LZTFL1: variants seen among roughly 807,000 people sequenced by gnomAD.
LZTFL1 encodes the protein leucine zipper transcription factor-like protein 1.
Under a neutral mutation model 45.9 loss-of-function variants are expected in LZTFL1, and 25 were observed. The observed-to-expected ratio is 0.54, with a 90% CI of 0.40 to 0.76. The LOEUF (loss-of-function observed/expected upper bound fraction) is 0.76, where lower values mean the gene tolerates loss of function less well. Ranked by LOEUF, LZTFL1 falls within the 30% of genes least tolerant of loss-of-function variation. The pLI, the probability that LZTFL1 is intolerant of heterozygous loss-of-function variation, is 0.00. For missense variants in LZTFL1, 277 were observed against 331.1 expected, an observed-to-expected ratio of 0.84 and a Z score of 1.27; for synonymous variants, 93 against 117.4, an observed-to-expected ratio of 0.79 and a Z score of 1.35.
chr3:45,870,464 T>C (rs1701654528), intron 2 of LZTFL1, among the ~76,000 whole-genome samples: 1 of 152,244 alleles, frequency 6.6e-6, no homozygotes, highest in African/African-American at 2.4e-5. Context: ...TGTCTCTGTG[T>C]GTGTGCACAT....
At chr3:45,827,869 T>A (rs954944553) in intron 8 of LZTFL1, among the ~76,000 whole-genome samples, 14 of 150,886 alleles carry the variant, frequency 9.3e-5, no homozygotes, top group Non-Finnish European at 1.8e-4. Context: ...TATGAAAAAA[T>A]TTTTAATTTT....
At chr3:45,902,758 C>G (rs1702599551) in intron 2 of LZTFL1, 1 of 167,160 alleles carries the variant, frequency 6.0e-6, no homozygotes, top group African/African-American at 2.4e-5. Context: ...GGTCCACCGT[C>G]TGTCTGCTCC....
chr3:45,856,274 A>C (rs1027557539), intron 3 of LZTFL1, among the ~76,000 whole-genome samples: 9 of 152,218 alleles, frequency 5.9e-5, no homozygotes, highest in African/African-American at 2.2e-4. Context: ...TGATAAAAAC[A>C]AGCAATGGAG....
intron 2 of LZTFL1, among the ~76,000 whole-genome samples, chr3:45,882,408 C>T (rs775306943): frequency 6.6e-6 from 1 of 152,208 alleles, no homozygotes; most frequent in African/African-American, 2.4e-5. Context: ...CAGCATTGTC[C>T]TCTTCCAAAG....
upstream of LZTFL1, among the ~76,000 whole-genome samples, chr3:45,845,967 T>C (rs1486640630): frequency 6.6e-6 from 1 of 152,228 alleles, no homozygotes; most frequent in African/African-American, 2.4e-5. Context: ...CCAACTACTA[T>C]GTTGCAAGCT....
chr3:45,825,645 T>C lies in LZTFL1; in HGVS notation c.*669A>G, dbSNP rs953946713. On this transcript the variant is annotated 3_prime_UTR_variant, in exon 10 of 10. Coordinates refer to ENST00000296135, the MANE Select transcript of LZTFL1 (RefSeq NM_020347.4). ...CTTATCCATTAGTAATACAGACTCATGAAAAGTTATGCTGCAAAAAATGCT... is the reference window on the plus strand; with the variant it reads ...CTTATCCATTAGTAATACAGACTCACGAAAAGTTATGCTGCAAAAAATGCT... 4 of 152,194 alleles carry C rather than the reference T, an allele frequency of 2.6e-5. No individual in the cohort carries two copies. Among genetic ancestry groups the C allele is most frequent in the Non-Finnish European group, 5.9e-5 (4 of 68,022 alleles). 9.4% of individuals were successfully genotyped at this position (152,194 alleles called of 1,614,324 possible).
intron 5 of LZTFL1, among the ~76,000 whole-genome samples, chr3:45,832,252 A>C (rs533291157): frequency 2.0e-5 from 3 of 152,012 alleles, no homozygotes; most frequent in African/African-American, 7.2e-5. Flanking sequence ...ACAATAAAAA[A>C]CCCAAACTAT....
At chr3:45,839,529 GTCCTGAAACAT>G (rs1414302970) in intron 1 of LZTFL1, among the ~76,000 whole-genome samples, 1 of 152,122 alleles carries the variant, frequency 6.6e-6, no homozygotes, top group Non-Finnish European at 1.5e-5. Context: ...CTGCTCATCA[GTCCTGAAACAT>G]GACTTAAAAT....
intron 2 of LZTFL1, among the ~76,000 whole-genome samples, chr3:45,836,170 A>G (rs895497412): frequency 1.3e-5 from 2 of 152,164 alleles, no homozygotes. Context: ...ATATTTCTCT[A>G]ACATTTTAAT....
At chr3:45,836,512 T>G (rs1013038901) in intron 2 of LZTFL1, among the ~76,000 whole-genome samples, 54 of 152,074 alleles carry the variant, frequency 3.6e-4, no homozygotes, top group African/African-American at 1.3e-3. Context: ...AAAAATTACC[T>G]GGGTGTGGTG....
chr3:45,850,644 A>G (rs1031917105), intron 4 of LZTFL1, among the ~76,000 whole-genome samples: 2 of 152,166 alleles, frequency 1.3e-5, no homozygotes, highest in Non-Finnish European at 2.9e-5. Flanking sequence ...GATTCACAAT[A>G]TATTTCTTGA....
upstream of LZTFL1, among the ~76,000 whole-genome samples, chr3:45,843,030 TC>T (rs1701157719): frequency 1.3e-5 from 2 of 152,242 alleles, no homozygotes; most frequent in African/African-American, 4.8e-5. Context: ...AACAAGGTTC[TC>T]CTGTGTGTCA....
At chr3:45,887,657 A>G (rs1223135036) in intron 2 of LZTFL1, among the ~76,000 whole-genome samples, 1 of 152,238 alleles carries the variant, frequency 6.6e-6, no homozygotes, top group Admixed American at 6.5e-5. Context: ...AAGCTAATTT[A>G]CTATTTCAGC....
intron 3 of LZTFL1, among the ~76,000 whole-genome samples, chr3:45,856,815 A>T (rs182393412): frequency 6.6e-6 from 1 of 152,348 alleles, no homozygotes; most frequent in African/African-American, 2.4e-5. Flanking sequence ...TCAAAACCAC[A>T]ATGAGATACC....
chr3:45,887,573 T>A (rs1227398858), intron 2 of LZTFL1, among the ~76,000 whole-genome samples: 3 of 152,238 alleles, frequency 2.0e-5, no homozygotes, highest in East Asian at 3.8e-4. Context: ...GGTCACTGTG[T>A]GCTGAACCGG....
chr3:45,908,566 C>T (rs556335958), intron 2 of LZTFL1, among the ~76,000 whole-genome samples: 8 of 151,880 alleles, frequency 5.3e-5, no homozygotes, highest in African/African-American at 1.5e-4. Context: ...CCAGGGAAGG[C>T]GTCCCTGAGG....
intron 2 of LZTFL1, among the ~76,000 whole-genome samples, chr3:45,876,898 G>A (rs1701756200): frequency 6.6e-6 from 1 of 152,164 alleles, no homozygotes; most frequent in African/African-American, 2.4e-5. Context: ...GTTAGTCACA[G>A]GACTGGGGAG....
At chr3:45,897,681 T>C (rs1232656220) in intron 2 of LZTFL1, 1 of 1,365,364 alleles carries the variant, frequency 7.3e-7, no homozygotes, top group Non-Finnish European at 9.9e-7. Flanking sequence ...CTGCCCCCTC[T>C]CATTTGTTCC....
At chr3:45,840,075 C>G (rs1439019633) in intron 1 of LZTFL1, among the ~76,000 whole-genome samples, 1 of 152,186 alleles carries the variant, frequency 6.6e-6, no homozygotes, top group Non-Finnish European at 1.5e-5. Flanking sequence ...TTATAATGCA[C>G]AACACCTAGC....
Sources: gnomAD v4.1 joint callset for allele counts (sites outside exome capture counted in the v4.1 genomes callset) on GRCh38, gnomAD v4.1.1 for gene constraint, MANE v1.5 for transcripts, NCBI Gene and HGNC (gene_info 2026-07-23, HGNC 2026-07-21) for gene names.